Variants in SPDYE1 observed in about 807,000 individuals in gnomAD.
SPDYE1 encodes speedy protein E1.
In SPDYE1, 29 loss-of-function variants were observed where a neutral mutation model predicts 45.9. The ratio of observed to expected loss-of-function variants is 0.63; its 90% confidence interval spans 0.47 to 0.86. The LOEUF is 0.86. Ranked by LOEUF, SPDYE1 falls within the 40% of genes least tolerant of loss-of-function variation. SPDYE1 has a pLI of 0.00. For synonymous variants in SPDYE1, 134 were observed against 176.8 expected, an observed-to-expected ratio of 0.76 and a Z score of 1.92; for missense variants, 346 against 481.4, an observed-to-expected ratio of 0.72 and a Z score of 2.63.
At chr7:44,005,060 C>T (rs2096069300) in intron 5 of SPDYE1, 82 bp from the exon 6 acceptor site, 1 of 1,512,376 alleles carries the variant, frequency 6.6e-7, no homozygotes, top group South Asian at 1.1e-5. Flanking sequence ...CAGCCCCTCC[C>T]CAGACCCTCA....
chr7:43,998,769 T>G (rs2096058697), intron 1 of SPDYE1, among the ~76,000 whole-genome samples: 1 of 137,272 alleles, frequency 7.3e-6, no homozygotes, highest in Admixed American at 7.5e-5. Context: ...ACTCCTGGGC[T>G]CAAGTGATCT....
At position 44,007,141 on chromosome 7, in the gene SPDYE1, C is replaced by T. The variant is rs185913361; in HGVS notation, c.753-127C>T. 1.7e-4 allele frequency: 263 copies of T among 1,581,188 alleles called. No individual in the cohort carries two copies. In the East Asian group the frequency reaches 5.0e-3, roughly 30 times the overall value. ...CAGAGCCCTCCTGAGGAAGGCATGGCTCTCTGCAGGGTGGGTGCCAGTCCT... is the reference window on the plus strand; with the variant it reads ...CAGAGCCCTCCTGAGGAAGGCATGGTTCTCTGCAGGGTGGGTGCCAGTCCT... On this transcript the variant is annotated intron_variant, in intron 6 of 8. Coordinates refer to ENST00000693451, the MANE Select transcript of SPDYE1 (RefSeq NM_001378423.2).
chr7:44,007,261 T>A lies in SPDYE1; in HGVS notation c.753-7T>A. On this transcript the variant is annotated splice_region_variant and splice_polypyrimidine_tract_variant and intron_variant, in intron 6 of 8. Transcript: ENST00000693451. ...CCCCTGAGCAGCAACCTGATTCCTG[T>A]CCTCAGCTACCTGGCCAATGACATG... 1 of 1,612,424 alleles carries A rather than the reference T, an allele frequency of 6.2e-7. No individual in the cohort carries two copies.
chr7:44,002,720 G>A lies in SPDYE1; in HGVS notation c.510G>A (p.Trp170Ter), dbSNP rs1219968088. 4 of 1,594,370 alleles carry A rather than the reference G, an allele frequency of 2.5e-6. No homozygotes were observed. The African/African-American group carries it at 5.4e-5, about 21-fold the overall frequency. ...TCGCCCCTGAGCCTGAGGAGATCTG[G>A]GTGGCGGAGATGCTGTGTGGCCTCA... The part of the protein sequence containing the change: ...KVLAPEPEEI[W>*]VAEMLCGLKM... Residue 170 changes from tryptophan (W) to a stop codon, truncating the protein, a stop_gained, in exon 4 of 9, where the codon TGG (tryptophan) becomes TGA (stop). Transcript: ENST00000693451. LOFTEE classifies it high-confidence loss of function.
At chr7:44,005,834 T>TTC (rs930569571) in intron 6 of SPDYE1, among the ~76,000 whole-genome samples, 3 of 151,906 alleles carry the variant, frequency 2.0e-5, no homozygotes, top group South Asian at 4.2e-4. Flanking sequence ...TTTCTGGTTC[T>TTC]TCTCTCTCTC....
At chr7:44,004,312 G>C (rs2096068262) in intron 5 of SPDYE1, 1 of 325,780 alleles carries the variant, frequency 3.1e-6, no homozygotes, top group East Asian at 8.2e-5. Flanking sequence ...TGAGATTATA[G>C]ACGTCAGCCA....
intron 6 of SPDYE1, among the ~76,000 whole-genome samples, chr7:44,006,186 C>T (rs1295785113): frequency 3.9e-5 from 6 of 152,288 alleles, no homozygotes; most frequent in African/African-American, 1.4e-4. Flanking sequence ...CTTCCAAATG[C>T]CCTCCACTCG....
At position 44,001,202 on chromosome 7, in the gene SPDYE1, G is replaced by C; in HGVS notation, c.297G>C (p.Leu99=). The change falls in exon 3 of 9, where the codon CTG becomes CTC. Residue 99 remains leucine (L), a synonymous_variant. Transcript: ENST00000693451. ...EPEETWVVET[L]CGLKMKLKQQ... ...AGGAGACCTGGGTAGTGGAGACGCT[G>C]TGTGGGCTCAAGATGAAGCTGAAGC... 2 of 1,598,316 alleles carry C rather than the reference G, an allele frequency of 1.3e-6. No individual in the cohort carries two copies. The highest frequency in any genetic ancestry group is 1.7e-6 in the Non-Finnish European group (2 of 1,179,918).
intron 1 of SPDYE1, among the ~76,000 whole-genome samples, chr7:43,998,379 A>T (rs2096058263): frequency 6.6e-6 from 1 of 151,272 alleles, no homozygotes; most frequent in Non-Finnish European, 1.5e-5. Context: ...CAATGGTGCG[A>T]TCTTGGCTCC....
chr7:44,005,507 G>A (rs574525957), intron 6 of SPDYE1, among the ~76,000 whole-genome samples: 124 of 152,196 alleles, frequency 8.1e-4, no homozygotes, highest in African/African-American at 2.7e-3. Context: ...GCCAAACCCC[G>A]TCTCTACCAA....
intron 3 of SPDYE1, among the ~76,000 whole-genome samples, chr7:44,002,230 C>T (rs2096064279): frequency 6.7e-6 from 1 of 149,258 alleles, no homozygotes; most frequent in African/African-American, 2.5e-5. Context: ...ATCACTGGAA[C>T]CCAGGAGGCA....
At chr7:44,004,310 T>G (rs568081573) in intron 5 of SPDYE1, 1 of 328,924 alleles carries the variant, frequency 3.0e-6, no homozygotes, top group South Asian at 2.8e-5. Context: ...GCTGAGATTA[T>G]AGACGTCAGC....
intron 5 of SPDYE1, 36 bp from the exon 6 acceptor site, chr7:44,005,106 G>A (rs1163598673): frequency 5.0e-6 from 8 of 1,607,602 alleles, no homozygotes; most frequent in Non-Finnish European, 6.8e-6. Context: ...TCCAAGATGT[G>A]ACCTCTCCCT....
At position 44,003,885 on chromosome 7, in the gene SPDYE1, G is replaced by C. The variant is rs1175292409; in HGVS notation, c.640G>C (p.Asp214His). Residue 214 changes from aspartate to histidine, a missense_variant, in exon 5 of 9, where the codon GAC becomes CAC. Around this residue, in one of 4 missense-constraint regions of SPDYE1, gnomAD observed 4 missense variants for 25.1 expected, o/e 0.16. Coordinates refer to ENST00000693451, the MANE Select transcript of SPDYE1 (RefSeq NM_001378423.2). ...TGTCATTAAAAGATTCCTGGCCTGG[G>C]ACAAAGATCTGAGGGTGTCGGACAA... ...DPVIKRFLAW[D>H]KDLRVSDKYL... The C allele has an allele frequency of 8.4e-7, 1 of 1,189,626 alleles. No homozygotes were observed. The highest frequency in any genetic ancestry group is 2.3e-5 in the Admixed American group (1 of 43,348). The allele number at this position is 1,189,626 out of a possible 1,614,324, so 73.7% of individuals were successfully genotyped here. A position where few individuals can be genotyped will look rare whatever the true frequency, so the allele number is the denominator to read the frequency against.
chr7:44,006,845 C>T (rs1348459301), intron 6 of SPDYE1, among the ~76,000 whole-genome samples: 1 of 152,256 alleles, frequency 6.6e-6, no homozygotes, highest in African/African-American at 2.4e-5. Flanking sequence ...AACTCCTGGT[C>T]TCAAGCGATC....
In SPDYE1 at chr7:43,999,920, C is replaced by G; in HGVS notation, c.-30C>G. On this transcript the variant is annotated 5_prime_UTR_variant, in exon 2 of 9. Transcript: ENST00000693451. ...GCTTGAGAATTGATAACATACTCTT[C>G]TGGATCCTAGCAGTGTCCAGAAGAA... The G allele has an allele frequency of 1.0e-6, 1 of 981,692 alleles. No individual in the cohort carries two copies. Among genetic ancestry groups the G allele is most frequent in the Non-Finnish European group, 1.2e-6 (1 of 828,726 alleles). The allele number at this position is 981,692 out of a possible 1,614,324, so 60.8% of individuals were successfully genotyped here.
At chr7:44,006,998 G>A (rs1417385448) in intron 6 of SPDYE1, among the ~76,000 whole-genome samples, 1 of 152,234 alleles carries the variant, frequency 6.6e-6, no homozygotes, top group Non-Finnish European at 1.5e-5. Flanking sequence ...TGATCCTCCT[G>A]CTTTGGCCTC....
intron 3 of SPDYE1, 97 bp downstream of exon 3, chr7:44,001,381 C>T: frequency 6.5e-7 from 1 of 1,549,770 alleles, no homozygotes; most frequent in East Asian, 2.4e-5. Context: ...GATACGCCCC[C>T]AGTGGGTGAG....
chr7:44,001,327 T>C (rs1180758527), intron 3 of SPDYE1, 43 bp downstream of exon 3: 4 of 1,594,048 alleles, frequency 2.5e-6, no homozygotes, highest in Non-Finnish European at 3.4e-6. Flanking sequence ...CTGTTCTTTC[T>C]AAAAAGAGGA....
Sources: gnomAD v4.1 joint callset for allele counts (sites outside exome capture counted in the v4.1 genomes callset) on GRCh38, gnomAD v4.1.1 for gene constraint, gnomAD v4.1.1 regional missense constraint, MANE v1.5 for transcripts, NCBI Gene and HGNC (gene_info 2026-07-23, HGNC 2026-07-21) for gene names.